Variants in ZIK1 observed in about 807,000 individuals in gnomAD.
ZIK1 encodes the protein zinc finger protein interacting with K protein 1.
ZIK1 carries 12 observed loss-of-function variants against 10.7 expected under a neutral mutation model. The observed-to-expected ratio is 1.12, with a 90% CI of 0.72 to 1.81. The LOEUF is 1.81. ZIK1 is among the 40% of genes most tolerant of loss of function. The pLI is 0.00. For missense variants in ZIK1, 497 were observed against 585.7 expected (o/e 0.85, Z 1.56); for synonymous variants, 190 against 205.0 (o/e 0.93, Z 0.63).
At position 57,591,967 on chromosome 19, in the gene ZIK1, C is replaced by A. The variant is rs1365616681; in HGVS notation, c.*692C>A. On this transcript the variant is annotated 3_prime_UTR_variant, in exon 4 of 4. Transcript: ENST00000597850. ...GAGTAATTCTAATTCTGGTTTTGGTCATACTTGCTTTGCTACCTAAAATCT... is the reference window on the plus strand; with the variant it reads ...GAGTAATTCTAATTCTGGTTTTGGTAATACTTGCTTTGCTACCTAAAATCT... 6.6e-6 allele frequency: 1 copy of A among 152,118 alleles called. No individual in the cohort carries two copies. The highest frequency in any genetic ancestry group is 1.5e-5 in the Non-Finnish European group (1 of 68,040). 9.4% of individuals were successfully genotyped at this position (152,118 alleles called of 1,614,324 possible). A position where few individuals can be genotyped will look rare whatever the true frequency, so the allele number is the denominator to read the frequency against.
rs150855480 is a variant in ZIK1 at position 57,588,661 on chromosome 19, A to C, written c.195A>C (p.Ser65=). The stretch of plus-strand genomic sequence containing the variant: ...TGGAGAACTTTGCCCTTGTAGCCTC[A>C]CTGGGTAAGGCCCTAATACCAACTC... ...VMLENFALVA[S]LGCGHGTEDE... Residue 65 remains serine, a synonymous_variant, in exon 3 of 4, where the codon TCA becomes TCC. Coordinates refer to ENST00000597850, the MANE Select transcript of ZIK1 (RefSeq NM_001010879.4). 1.3e-6 allele frequency: 2 copies of C among 1,559,612 alleles called. No homozygotes were observed. The highest frequency in any genetic ancestry group is 2.7e-5 in the African/African-American group (2 of 73,526).
chr19:57,589,824 G>A, intron 3 of ZIK1, 187 bp from the exon 4 acceptor site: 1 of 674,582 alleles, frequency 1.5e-6, no homozygotes, highest in Non-Finnish European at 1.8e-6. Context: ...CCTTTATTTG[G>A]TGAGGCCTCC....
At position 57,592,430 on chromosome 19, in the gene ZIK1, G is replaced by A. The variant is rs1432023660; in HGVS notation, c.*1155G>A. ...AAATCTGTGTATGTCCAATAGCTGAGGTTATTTTCAGCAAAAATAATTAAA... is the reference window on the plus strand; with the variant it reads ...AAATCTGTGTATGTCCAATAGCTGAAGTTATTTTCAGCAAAAATAATTAAA... On this transcript the variant is annotated 3_prime_UTR_variant, in exon 4 of 4. Transcript: ENST00000597850. 6.6e-6 allele frequency: 1 copy of A among 152,110 alleles called. No individual in the cohort carries two copies. Among genetic ancestry groups the A allele is most frequent in the Non-Finnish European group, 1.5e-5 (1 of 68,020 alleles). The allele number at this position is 152,110 out of a possible 1,614,324, so 9.4% of individuals were successfully genotyped here.
chr19:57,589,129 G>A, intron 3 of ZIK1: 1 of 265,762 alleles, frequency 3.8e-6, no homozygotes, highest in Non-Finnish European at 5.8e-6. Context: ...TGTGTGCTGA[G>A]TCGTTCTGCA....
intron 2 of ZIK1, 115 bp from the exon 3 acceptor site, chr19:57,588,422 AAG>A: frequency 8.3e-7 from 1 of 1,197,620 alleles, no homozygotes; most frequent in Non-Finnish European, 1.1e-6. Flanking sequence ...GGACCATGAA[AAG>A]AGAGTGGGCA....
At chr19:57,588,129 G>A (rs1375142866) in intron 2 of ZIK1, among the ~76,000 whole-genome samples, 1 of 152,010 alleles carries the variant, frequency 6.6e-6, no homozygotes, top group Admixed American at 6.5e-5. Flanking sequence ...GCAGGCAGAG[G>A]GGTGGAGGTA....
rs1344025757 is a variant in ZIK1, at chr19:57,591,241, G to A, written c.1430G>A (p.Ser477Asn). 1 of 1,612,472 alleles carries A rather than the reference G, an allele frequency of 6.2e-7. No individual in the cohort carries two copies. The highest frequency in any genetic ancestry group is 1.1e-5 in the South Asian group (1 of 91,024). ...GGGAATTCCTTTAGCCAATGCTCCAGCCTCATACATCACCAAAAATGTCAT... is the reference window on the plus strand; with the variant it reads ...GGGAATTCCTTTAGCCAATGCTCCAACCTCATACATCACCAAAAATGTCAT... ...KCGNSFSQCS[S>N]LIHHQKCHNT Residue 477 changes from serine (S) to asparagine (N), a missense_variant, in exon 4 of 4, where the codon AGC becomes AAC. Transcript: ENST00000597850.
At position 57,584,186 on chromosome 19, in the gene ZIK1, T is replaced by G. The variant is rs1346617781; in HGVS notation, c.-171T>G. 1 of 1,305,734 alleles carries G rather than the reference T, an allele frequency of 7.7e-7. No homozygotes were observed. Among genetic ancestry groups the G allele is most frequent in the African/African-American group, 1.5e-5 (1 of 66,658 alleles). 80.9% of individuals were successfully genotyped at this position (1,305,734 alleles called of 1,614,324 possible). On this transcript the variant is annotated 5_prime_UTR_variant, in exon 1 of 4. Coordinates refer to ENST00000597850, the MANE Select transcript of ZIK1 (RefSeq NM_001010879.4). ...GCAGCGCTTGGGTGCATCCAGACCG[T>G]CAGAGCTTTGGGAGCGCTTTGTTTG...
rs1265528922 is a variant in ZIK1 at position 57,593,120 on chromosome 19, C to T, written c.*1845C>T. ...AGTGCAGTGGCATGATCTTGGCTCA[C>T]TCCAACCTCCTCCTGGGTTCCAGCG... On this transcript the variant is annotated 3_prime_UTR_variant, in exon 4 of 4. Coordinates refer to ENST00000597850, the MANE Select transcript of ZIK1 (RefSeq NM_001010879.4). The T allele has an allele frequency of 6.6e-6, 1 of 151,282 alleles. No individual in the cohort carries two copies. The highest frequency in any genetic ancestry group is 1.5e-5 in the Non-Finnish European group (1 of 67,928). 9.4% of individuals were successfully genotyped at this position (151,282 alleles called of 1,614,324 possible).
intron 2 of ZIK1, among the ~76,000 whole-genome samples, chr19:57,586,062 T>TA (rs1272617381): frequency 6.6e-6 from 1 of 151,936 alleles, no homozygotes; most frequent in Non-Finnish European, 1.5e-5. Context: ...TAACAGGAGT[T>TA]TTGTCTTTAG....
At chr19:57,588,996 C>T (rs1289404699) in intron 3 of ZIK1, among the ~76,000 whole-genome samples, 1 of 152,144 alleles carries the variant, frequency 6.6e-6, no homozygotes, top group East Asian at 1.9e-4. Flanking sequence ...CTACCTGTGT[C>T]ATGATTGTAG....
rs369789779 is a variant in ZIK1 at position 57,591,304 on chromosome 19, G to T, written c.*29G>T. 20 of 1,570,030 alleles carry T rather than the reference G, an allele frequency of 1.3e-5. No homozygotes were observed. Among genetic ancestry groups the T allele is most frequent in the African/African-American group, 2.7e-5 (2 of 73,330 alleles). ...CCTCATGAATGCAGCAAATGTGGAA[G>T]CGCCTTCAACTCAAGATCTATCATC... is the stretch of plus-strand genomic sequence containing the variant. On this transcript the variant is annotated 3_prime_UTR_variant, in exon 4 of 4. Coordinates refer to ENST00000597850, the MANE Select transcript of ZIK1 (RefSeq NM_001010879.4).
At chr19:57,584,574 G>A (rs1434004744) in intron 1 of ZIK1, 185 bp downstream of exon 1, 1 of 1,407,552 alleles carries the variant, frequency 7.1e-7, no homozygotes, top group Admixed American at 3.1e-5. Flanking sequence ...CTAAACTCTT[G>A]GAGACACAGT....
Position 57,584,181 on chromosome 19 carries a change from G to A in ZIK1, c.-176G>A. On this transcript the variant is annotated 5_prime_UTR_variant, in exon 1 of 4. Coordinates refer to ENST00000597850, the MANE Select transcript of ZIK1 (RefSeq NM_001010879.4). Reference sequence around the variant, plus strand: ...TTTTTGCAGCGCTTGGGTGCATCCAGACCGTCAGAGCTTTGGGAGCGCTTT... The same window carrying A: ...TTTTTGCAGCGCTTGGGTGCATCCAAACCGTCAGAGCTTTGGGAGCGCTTT... 1 of 1,269,128 alleles carries A rather than the reference G, an allele frequency of 7.9e-7. No individual in the cohort carries two copies. The highest frequency in any genetic ancestry group is 1.1e-6 in the Non-Finnish European group (1 of 949,460). The allele number at this position is 1,269,128 out of a possible 1,614,324, so 78.6% of individuals were successfully genotyped here.
intron 2 of ZIK1, among the ~76,000 whole-genome samples, chr19:57,587,983 A>G (rs1979315848): frequency 6.6e-6 from 1 of 152,066 alleles, no homozygotes; most frequent in African/African-American, 2.4e-5. Context: ...GGTGTCTGAC[A>G]TCAGGTGATT....
intron 3 of ZIK1, 36 bp downstream of exon 3, chr19:57,588,701 G>C (rs1157879108): frequency 7.0e-7 from 1 of 1,419,068 alleles, no homozygotes; most frequent in African/African-American, 1.4e-5. Flanking sequence ...GTCCTGGTCT[G>C]TCTATGGTCT....
chr19:57,584,881 A>C, intron 1 of ZIK1, 71 bp from the exon 2 acceptor site: 1 of 1,551,738 alleles, frequency 6.4e-7, no homozygotes, highest in African/African-American at 1.4e-5. Context: ...CCTGGACAGG[A>C]ATCCAGGGAA....
intron 3 of ZIK1, among the ~76,000 whole-genome samples, chr19:57,588,993 T>C (rs950498315): frequency 6.6e-5 from 10 of 152,150 alleles, no homozygotes; most frequent in African/African-American, 2.4e-4. Context: ...TGGCTACCTG[T>C]GTCATGATTG....
intron 2 of ZIK1, among the ~76,000 whole-genome samples, chr19:57,585,477 C>G (rs1475548652): frequency 6.6e-6 from 1 of 152,190 alleles, no homozygotes; most frequent in East Asian, 1.9e-4. Context: ...GAGGAGGCTA[C>G]TGCAGTGGCC....
Sources: allele counts gnomAD v4.1 joint callset (sites outside exome capture counted in the v4.1 genomes callset), GRCh38; gene constraint gnomAD v4.1.1; transcripts MANE v1.5; gene names NCBI Gene and HGNC (gene_info 2026-07-23, HGNC 2026-07-21).